The following TEX9 variants were observed in gnomAD, a reference collection of about 807,000 sequenced individuals.
TEX9 encodes the protein testis-expressed protein 9.
Under a neutral mutation model 59.6 loss-of-function variants are expected in TEX9, and 74 were observed. That is an observed-to-expected ratio of 1.24 (90% confidence interval 1.03 to 1.51). The LOEUF is 1.51. TEX9 is among the 40% of genes most tolerant of loss of function. TEX9 has a pLI of 0.00. For synonymous variants in TEX9, 186 were observed against 152.2 expected, an observed-to-expected ratio of 1.22 and a Z score of -1.64; for missense variants, 522 against 447.8, an observed-to-expected ratio of 1.17 and a Z score of -1.49.
At chr15:56,292,162 C>A (rs1439909260) in intron 1 of TEX9, among the ~76,000 whole-genome samples, 1 of 152,206 alleles carries the variant, frequency 6.6e-6, no homozygotes, top group Non-Finnish European at 1.5e-5. Context: ...ATAGTAGTAT[C>A]CTCATGCAGC....
At chr15:56,420,046 T>C (rs186192985) in intron 10 of TEX9, among the ~76,000 whole-genome samples, 3 of 151,526 alleles carry the variant, frequency 2.0e-5, no homozygotes, top group Admixed American at 1.3e-4. Context: ...TTGTCAAATT[T>C]ACTGGCATAC....
chr15:56,282,781 G>A (rs1223074247), intron 1 of TEX9, among the ~76,000 whole-genome samples: 1 of 152,148 alleles, frequency 6.6e-6, no homozygotes, highest in African/African-American at 2.4e-5. Context: ...GCTAGAGGAA[G>A]CATTTCCTTG....
intron 1 of TEX9, among the ~76,000 whole-genome samples, chr15:56,357,814 T>A (rs2046711980): frequency 6.6e-6 from 1 of 152,142 alleles, no homozygotes; most frequent in South Asian, 2.1e-4. Flanking sequence ...TGTGATTCTG[T>A]CCCTTATTTC....
At chr15:56,323,617 C>A in intron 1 of TEX9, 1 of 155,700 alleles carries the variant, frequency 6.4e-6, no homozygotes, top group South Asian at 1.8e-4. Context: ...CGGGAGATGT[C>A]AAGGCTGAAA....
chr15:56,394,177 G>T lies in TEX9; in HGVS notation c.584G>T (p.Arg195Ile), dbSNP rs775885656. Residue 195 changes from arginine (R) to isoleucine (I), a missense_variant, in exon 8 of 13, where the codon AGA (arginine) becomes ATA (isoleucine). Physicochemically the swap from Arg to Ile is moderately conservative, Grantham distance 97. Transcript: ENST00000352903. ...TTTAAATTCACAGAAGCACAGATCA[G>T]ATTTCTAAAGGCCAAACTCCATGTT... 74 of 1,607,590 alleles carry T rather than the reference G, an allele frequency of 4.6e-5. No individual in the cohort carries two copies. Among genetic ancestry groups the T allele is most frequent in the Non-Finnish European group, 5.9e-5 (70 of 1,177,356 alleles).
At chr15:56,390,710 A>G (rs2048167915) in intron 6 of TEX9, among the ~76,000 whole-genome samples, 1 of 151,810 alleles carries the variant, frequency 6.6e-6, no homozygotes, top group Non-Finnish European at 1.5e-5. Context: ...CTTTGGGTGG[A>G]AAAAATGTTG....
intron 1 of TEX9, among the ~76,000 whole-genome samples, chr15:56,288,180 C>A (rs1192589450): frequency 6.6e-6 from 1 of 152,178 alleles, no homozygotes; most frequent in Non-Finnish European, 1.5e-5. Context: ...CACATTCTTG[C>A]CCACACTTAT....
intron 1 of TEX9, among the ~76,000 whole-genome samples, chr15:56,310,142 G>T (rs1483477216): frequency 6.6e-6 from 1 of 152,296 alleles, no homozygotes; most frequent in Non-Finnish European, 1.5e-5. Context: ...GAAATTCAGT[G>T]TTAGTGGGGC....
chr15:56,309,991 T>C (rs772111728), intron 1 of TEX9, among the ~76,000 whole-genome samples: 1 of 152,090 alleles, frequency 6.6e-6, no homozygotes, highest in Non-Finnish European at 1.5e-5. Context: ...GCTCCTGCCC[T>C]CCAAAGAGTC....
chr15:56,349,296 C>A (rs1360110379), intron 1 of TEX9, among the ~76,000 whole-genome samples: 1 of 152,122 alleles, frequency 6.6e-6, no homozygotes, highest in African/African-American at 2.4e-5. Flanking sequence ...TAAGACTCAA[C>A]CTGCAAAATT....
intron 10 of TEX9, among the ~76,000 whole-genome samples, chr15:56,421,128 C>A (rs2049957830): frequency 6.6e-6 from 1 of 151,822 alleles, no homozygotes; most frequent in South Asian, 2.1e-4. Flanking sequence ...TATCAATGAT[C>A]AAGAGAGGGG....
At chr15:56,409,675 A>AT (rs34664831) in intron 9 of TEX9, 45,671 of 151,748 alleles carry the variant, frequency 0.3, 7,754 homozygotes, top group Middle Eastern at 0.47. Context: ...TAATTTTTAA[A>AT]TTTTTTTGTA....
At position 56,443,507 on chromosome 15, in the gene TEX9, G is replaced by T. The variant is rs373460385; in HGVS notation, c.*30-2164G>T. On this transcript the variant is annotated intron_variant, in intron 12 of 12. Transcript: ENST00000352903. Reference sequence around the variant, plus strand: ...CGCACTTGTTCCAAATCTTCACGTTGCCGCAGCATTTCTTCTAATTTCTGT... The same window carrying T: ...CGCACTTGTTCCAAATCTTCACGTTTCCGCAGCATTTCTTCTAATTTCTGT... 90 of 1,599,314 alleles carry T rather than the reference G, an allele frequency of 5.6e-5. No homozygotes were observed. Among genetic ancestry groups the T allele is most frequent in the Non-Finnish European group, 7.1e-5 (83 of 1,175,840 alleles).
chr15:56,410,609 A>G (rs1220968304), intron 9 of TEX9, among the ~76,000 whole-genome samples: 1 of 152,028 alleles, frequency 6.6e-6, no homozygotes, highest in Admixed American at 6.6e-5. Flanking sequence ...TTTACTTCCT[A>G]CTTTACTATT....
intron 1 of TEX9, among the ~76,000 whole-genome samples, chr15:56,311,049 C>T (rs1302676965): frequency 6.6e-6 from 1 of 152,070 alleles, no homozygotes; most frequent in Admixed American, 6.6e-5. Context: ...CTCCTTCTGC[C>T]CTGGCATTTG....
chr15:56,358,785 C>T (rs1224809110), intron 1 of TEX9, among the ~76,000 whole-genome samples: 4 of 152,130 alleles, frequency 2.6e-5, no homozygotes, highest in African/African-American at 9.7e-5. Flanking sequence ...GTGATTGAAT[C>T]ATGGGAGTGG....
intron 1 of TEX9, among the ~76,000 whole-genome samples, chr15:56,356,606 G>T (rs2141897738): frequency 6.6e-6 from 1 of 152,016 alleles, no homozygotes; most frequent in South Asian, 2.1e-4. Context: ...ATACAGTATT[G>T]GTGAATGAGT....
intron 1 of TEX9, among the ~76,000 whole-genome samples, chr15:56,299,700 C>T (rs1204285009): frequency 7.2e-5 from 11 of 152,102 alleles, no homozygotes; most frequent in Admixed American, 4.6e-4. Context: ...CCAGCTCAAC[C>T]GCAGTACAAT....
chr15:56,459,956 C>T, the TEX9 span, among the ~76,000 whole-genome samples: 1 of 125,546 alleles, frequency 8.0e-6, no homozygotes, highest in Non-Finnish European at 1.6e-5. Context: ...CGCCATTGCA[C>T]TCCAGCCTGG....
Sources: gnomAD v4.1 joint callset for allele counts (sites outside exome capture counted in the v4.1 genomes callset) on GRCh38, gnomAD v4.1.1 for gene constraint, MANE v1.5 for transcripts, NCBI Gene and HGNC (gene_info 2026-07-23, HGNC 2026-07-21) for gene names.